EYA1: variants seen among roughly 807,000 people sequenced by gnomAD.
EYA1 encodes the protein protein phosphatase EYA1.
EYA1 carries 16 observed loss-of-function variants against 82.0 expected under a neutral mutation model. The observed-to-expected ratio is 0.20, with a 90% CI of 0.13 to 0.30. The LOEUF (loss-of-function observed/expected upper bound fraction) is 0.30, where lower values mean the gene tolerates loss of function less well. Ranked by LOEUF, EYA1 falls within the 10% of genes least tolerant of loss-of-function variation. EYA1 has a pLI of 1.00. For missense variants in EYA1, 633 were observed against 730.7 expected, an observed-to-expected ratio of 0.87 and a Z score of 1.54; for synonymous variants, 261 against 264.4, an observed-to-expected ratio of 0.99 and a Z score of 0.12.
chr8:71,266,620 A>C (rs1200296631), intron 11 of EYA1, among the ~76,000 whole-genome samples: 2 of 152,136 alleles, frequency 1.3e-5, no homozygotes, highest in African/African-American at 4.8e-5. Context: ...TGCTCAAAAA[A>C]TGTTTAGGAA....
chr8:71,444,383 G>T (rs1336363944), intron 2 of EYA1, among the ~76,000 whole-genome samples: 1 of 152,198 alleles, frequency 6.6e-6, no homozygotes, highest in African/African-American at 2.4e-5. Flanking sequence ...CTTTCAGAAA[G>T]CGGAACCACA....
chr8:71,471,795 G>C (rs1393823446), intron 2 of EYA1, among the ~76,000 whole-genome samples: 2 of 152,054 alleles, frequency 1.3e-5, no homozygotes, highest in Non-Finnish European at 2.9e-5. Context: ...TACAAATTAA[G>C]TTTCTGGAGT....
intron 2 of EYA1, among the ~76,000 whole-genome samples, chr8:71,384,025 T>A (rs968333842): frequency 1.3e-5 from 2 of 152,136 alleles, no homozygotes; most frequent in Admixed American, 6.5e-5. Flanking sequence ...TTTACTTTTT[T>A]TTTTAAATTC....
intron 2 of EYA1, among the ~76,000 whole-genome samples, chr8:71,496,301 A>T (rs1020162692): frequency 6.6e-6 from 1 of 152,218 alleles, no homozygotes; most frequent in African/African-American, 2.4e-5. Flanking sequence ...CACCATTGTC[A>T]TAGCCTTAAT....
chr8:71,203,003 CTTT>C (rs374918573), intron 17 of EYA1, among the ~76,000 whole-genome samples: 5 of 152,016 alleles, frequency 3.3e-5, no homozygotes, highest in African/African-American at 1.2e-4. Context: ...ACAAAGTAAA[CTTT>C]TTTTTCTCTT....
At chr8:71,426,318 C>G (rs906198821) in intron 2 of EYA1, among the ~76,000 whole-genome samples, 3 of 152,112 alleles carry the variant, frequency 2.0e-5, no homozygotes, top group African/African-American at 7.2e-5. Flanking sequence ...ATTGTAAGAG[C>G]CAAACAAGGA....
At chr8:71,215,780 C>A (rs772827985) in intron 14 of EYA1, 52 bp from the exon 15 acceptor site, 2 of 1,257,548 alleles carry the variant, frequency 1.6e-6, no homozygotes, top group Non-Finnish European at 2.3e-6. Context: ...CATATTTCTT[C>A]GGCTTTGCAA....
chr8:71,300,090 G>T (rs1439175864), intron 7 of EYA1, among the ~76,000 whole-genome samples: 2 of 152,024 alleles, frequency 1.3e-5, no homozygotes, highest in East Asian at 3.9e-4. Context: ...GATCTTTAAG[G>T]TTCTTGCTAG....
At chr8:71,285,917 G>A (rs1016512977) in intron 9 of EYA1, among the ~76,000 whole-genome samples, 5 of 152,144 alleles carry the variant, frequency 3.3e-5, no homozygotes, top group Admixed American at 6.6e-5. Flanking sequence ...TAAAAGAAGG[G>A]TTTAAGATAA....
At chr8:71,339,048 T>C (rs1409410659) in intron 3 of EYA1, among the ~76,000 whole-genome samples, 1 of 152,324 alleles carries the variant, frequency 6.6e-6, no homozygotes, top group East Asian at 1.9e-4. Flanking sequence ...TCATTCCATA[T>C]TGGTTATTAA....
At chr8:71,202,203 T>C (rs188828662) in intron 17 of EYA1, among the ~76,000 whole-genome samples, 1 of 152,018 alleles carries the variant, frequency 6.6e-6, no homozygotes, top group Non-Finnish European at 1.5e-5. Context: ...ATCAGAATCC[T>C]GCACTGAAGA....
intron 2 of EYA1, among the ~76,000 whole-genome samples, chr8:71,487,177 G>A (rs1810637351): frequency 6.6e-6 from 1 of 151,824 alleles, no homozygotes; most frequent in South Asian, 2.1e-4. Flanking sequence ...TATTTGAAGT[G>A]GGTACTAACC....
chr8:71,292,613 T>C (rs908014378), intron 9 of EYA1, among the ~76,000 whole-genome samples: 33 of 152,042 alleles, frequency 2.2e-4, no homozygotes, highest in African/African-American at 7.7e-4. Flanking sequence ...CTGTAACTAA[T>C]TATATTTACT....
intron 1 of EYA1, among the ~76,000 whole-genome samples, chr8:71,539,197 G>A (rs2383836): frequency 0.099 from 14,849 of 150,162 alleles, 2,472 homozygotes; most frequent in African/African-American, 0.34. Context: ...GAAATGTACT[G>A]CATCAACTCC....
chr8:71,345,499 T>C (rs1022423353), intron 3 of EYA1, among the ~76,000 whole-genome samples: 8 of 152,328 alleles, frequency 5.3e-5, no homozygotes, highest in Middle Eastern at 3.4e-3. Context: ...TCAGGACTCT[T>C]GGCTCCCTGC....
chr8:71,327,477 T>A (rs989921446), intron 4 of EYA1, among the ~76,000 whole-genome samples: 26 of 152,238 alleles, frequency 1.7e-4, no homozygotes, highest in African/African-American at 5.8e-4. Flanking sequence ...GAACACTTTG[T>A]TTGCAATCCC....
intron 16 of EYA1, among the ~76,000 whole-genome samples, 165 bp from the exon 17 acceptor site, chr8:71,211,421 C>A (rs1334968387): frequency 6.6e-6 from 1 of 152,170 alleles, no homozygotes; most frequent in Non-Finnish European, 1.5e-5. Flanking sequence ...TGTGCCACAG[C>A]ACAATAAATT....
At chr8:71,428,900 A>C (rs1805432269) in intron 2 of EYA1, among the ~76,000 whole-genome samples, 2 of 151,944 alleles carry the variant, frequency 1.3e-5, no homozygotes, top group Non-Finnish European at 2.9e-5. Flanking sequence ...CCTTTTCCAT[A>C]TTCCTAGGGG....
intron 3 of EYA1, among the ~76,000 whole-genome samples, chr8:71,353,489 A>G (rs965297422): frequency 6.6e-6 from 1 of 152,254 alleles, no homozygotes; most frequent in African/African-American, 2.4e-5. Flanking sequence ...CTACATCCGC[A>G]AAATTTCAAT....
Sources: gnomAD v4.1 joint callset for allele counts (sites outside exome capture counted in the v4.1 genomes callset) on GRCh38, gnomAD v4.1.1 for gene constraint, MANE v1.5 for transcripts, NCBI Gene and HGNC (gene_info 2026-07-23, HGNC 2026-07-21) for gene names.